The following AARS1 variants were observed in gnomAD, a reference collection of about 807,000 sequenced individuals.
AARS1 encodes alanine--tRNA ligase, cytoplasmic.
In AARS1, 72 loss-of-function variants were observed where a neutral mutation model predicts 108.9. The ratio of observed to expected loss-of-function variants is 0.66; its 90% CI spans 0.55 to 0.80. AARS1 has a LOEUF of 0.80. AARS1 is among the 30% of genes least tolerant of loss of function. AARS1 has a pLI of 0.00. For missense variants in AARS1, 1,193 were observed against 1,233.2 expected (o/e 0.97, Z 0.49); for synonymous variants, 489 against 465.7 (o/e 1.05, Z -0.64).
rs1224159871 is a variant in AARS1 at position 70,259,006 on chromosome 16, C to T, written c.1966G>A (p.Ala656Thr). 6.2e-7 allele frequency: 1 copy of T among 1,614,210 alleles called. No individual in the cohort carries two copies. Among genetic ancestry groups the T allele is most frequent in the Non-Finnish European group, 8.5e-7 (1 of 1,180,046 alleles). ...TQQIKKAEEI[A>T]NEMIEAAKAV... ...TTGGCTGCCTCAATCATCTCATTAG[C>T]AATCTCTTCAGCCTTCTTGATCTGT... is the stretch of plus-strand genomic sequence containing the variant. Residue 656 changes from alanine (A) to threonine (T), a missense_variant, in exon 14 of 21, where the codon GCT becomes ACT. Transcript: ENST00000261772.
Position 70,276,474 on chromosome 16 carries a change from G to A in AARS1, c.479+12C>T, listed in dbSNP as rs201596086. On this transcript the variant is annotated intron_variant, in intron 4 of 20. Transcript: ENST00000261772. The stretch of plus-strand genomic sequence containing the variant: ...CTCCTCCATACTCTCAAGAAGTGAT[G>A]TGCATTCTTACCCCAAATTTTGCCA... 24 of 1,613,714 alleles carry A rather than the reference G, an allele frequency of 1.5e-5. No homozygotes were observed. In the Middle Eastern group the frequency reaches 5.0e-4, roughly 33 times the overall value.
chr16:70,253,044 G>T, intron 20 of AARS1, 138 bp from the exon 21 acceptor site: 1 of 1,078,864 alleles, frequency 9.3e-7, no homozygotes, highest in Non-Finnish European at 1.4e-6. Context: ...AGACTTTACG[G>T]CTGGTACAGG....
intron 4 of AARS1, among the ~76,000 whole-genome samples, chr16:70,272,399 G>C (rs984810240): frequency 6.6e-6 from 1 of 150,776 alleles, no homozygotes; most frequent in African/African-American, 2.4e-5. Flanking sequence ...CCAGCTACTC[G>C]GGAGGCTGAG....
chr16:70,277,267 G>T, intron 2 of AARS1, 113 bp from the exon 3 acceptor site: 1 of 1,134,414 alleles, frequency 8.8e-7, no homozygotes. Flanking sequence ...TGATTAACAT[G>T]CCTGGAATAT....
chr16:70,269,735 T>C lies in AARS1; in HGVS notation c.845A>G (p.Lys282Arg). The C allele has an allele frequency of 6.2e-7, 1 of 1,614,024 alleles. No individual in the cohort carries two copies. The highest frequency in any genetic ancestry group is 8.5e-7 in the Non-Finnish European group (1 of 1,179,990). Residue 282 changes from lysine to arginine, a missense_variant, in exon 7 of 21, where the codon AAA becomes AGA. Transcript: ENST00000261772. ...KGTGARPYTG[K>R]VGAEDADGID... ...CCCATCGGCATCCTCAGCACCAACT[T>C]TCCCAGTGTATGGTCGGGCACCTGT...
At position 70,261,079 on chromosome 16, in the gene AARS1, T is replaced by G; in HGVS notation, c.1750A>C (p.Lys584Gln). ...AACAGCCAGACCTGATCCCCCACTTTCAGGTCACCGTAGATGGTTCCAATG... is the reference window on the plus strand; with the variant it reads ...AACAGCCAGACCTGATCCCCCACTTGCAGGTCACCGTAGATGGTTCCAATG... ...LHIGTIYGDL[K>Q]VGDQVWLFID... is the part of the protein sequence containing the mutation. Residue 584 changes from lysine to glutamine, a missense_variant, in exon 13 of 21, where the codon AAA (lysine) becomes CAA (glutamine). Transcript: ENST00000261772. 1 of 1,613,866 alleles carries G rather than the reference T, an allele frequency of 6.2e-7. No homozygotes were observed. The highest frequency in any genetic ancestry group is 8.5e-7 in the Non-Finnish European group (1 of 1,179,870).
At chr16:70,260,523 C>T (rs1282315121) in intron 13 of AARS1, among the ~76,000 whole-genome samples, 3 of 152,172 alleles carry the variant, frequency 2.0e-5, no homozygotes, top group East Asian at 1.9e-4. Context: ...AACAAGTCCA[C>T]GGGATCTTAA....
At chr16:70,283,528 G>A (rs1352766845) in intron 1 of AARS1, among the ~76,000 whole-genome samples, 4 of 152,098 alleles carry the variant, frequency 2.6e-5, no homozygotes, top group African/African-American at 9.7e-5. Flanking sequence ...TCCTGAGGGA[G>A]TCACTTCACC....
chr16:70,280,499 G>A (rs1960669845), intron 2 of AARS1, among the ~76,000 whole-genome samples: 1 of 152,144 alleles, frequency 6.6e-6, no homozygotes, highest in Non-Finnish European at 1.5e-5. Context: ...AATATTATAA[G>A]AGGCAGAATA....
Position 70,269,669 on chromosome 16 carries a change from G to T in AARS1, c.911C>A (p.Thr304Asn). Residue 304 changes from threonine to asparagine, a missense_variant, in exon 7 of 21, where the codon ACC (threonine) becomes AAC (asparagine). Thr to Asn is a moderately conservative substitution (Grantham distance 65). Transcript: ENST00000261772. ...AYRVLADHARTITVALADGGR... is the reference protein window; with the variant it reads ...AYRVLADHARNITVALADGGR... ...ACCATCAGCCAGTGCCACAGTGATG[G>T]TCCGAGCGTGGTCAGCCAGCACCCG... 6.2e-7 allele frequency: 1 copy of T among 1,614,136 alleles called. No individual in the cohort carries two copies. Among genetic ancestry groups the T allele is most frequent in the Non-Finnish European group, 8.5e-7 (1 of 1,180,028 alleles).
intron 8 of AARS1, 23 bp downstream of exon 8, chr16:70,268,248 G>C: frequency 6.3e-7 from 1 of 1,598,328 alleles, no homozygotes; most frequent in Non-Finnish European, 8.6e-7. Context: ...AGCACAGAAG[G>C]GTAAGCAGAG....
chr16:70,262,324 C>T (rs1267762467), intron 12 of AARS1, 22 bp downstream of exon 12: 1 of 1,614,044 alleles, frequency 6.2e-7, no homozygotes, highest in East Asian at 2.2e-5. Context: ...CCTCGGCTAA[C>T]AAGGAAGAAC....
At position 70,262,372 on chromosome 16, in the gene AARS1, C is replaced by A. The variant is rs558645844; in HGVS notation, c.1645G>T (p.Val549Leu). 1 of 1,614,228 alleles carries A rather than the reference C, an allele frequency of 6.2e-7. No individual in the cohort carries two copies. The highest frequency in any genetic ancestry group is 1.3e-5 in the African/African-American group (1 of 75,058). Residue 549 changes from valine to leucine, a missense_variant, in exon 12 of 21, where the codon GTG (valine) becomes TTG (leucine). Val to Leu is a conservative substitution (Grantham distance 32). Transcript: ENST00000261772. ...GGQIYDEGYL[V>L]KVDDSSEDKT... ...TCTTCACTGCTGTCATCCACCTTCA[C>A]CAGGTAGCCTTCGTCATAGATCTGG...
At chr16:70,273,206 A>G (rs1010103093) in intron 4 of AARS1, among the ~76,000 whole-genome samples, 1 of 152,144 alleles carries the variant, frequency 6.6e-6, no homozygotes, top group Non-Finnish European at 1.5e-5. Context: ...GTAAAAAGCT[A>G]TGCACTAAAG....
intron 13 of AARS1, among the ~76,000 whole-genome samples, chr16:70,259,410 T>A (rs1960081065): frequency 6.6e-6 from 1 of 152,106 alleles, no homozygotes; most frequent in East Asian, 1.9e-4. Context: ...ATGGGGCAGG[T>A]CCTCCCATTT....
In AARS1 at chr16:70,264,997, G is replaced by A. The variant is rs1359630834; in HGVS notation, c.1453C>T (p.Pro485Ser). The A allele has an allele frequency of 6.2e-7, 1 of 1,614,096 alleles. No homozygotes were observed. Residue 485 changes from proline to serine, a missense_variant, in exon 11 of 21, where the codon CCA (proline) becomes TCA (serine). Transcript: ENST00000261772. ...ARGLEVTDDSPKYNYHLDSSG... is the reference protein window; with the variant it reads ...ARGLEVTDDSSKYNYHLDSSG... ...GAGTCCAAATGGTAATTGTACTTTG[G>A]GGAATCATCTGTGACCTCCAGACCC...
intron 3 of AARS1, 105 bp downstream of exon 3, chr16:70,276,861 A>T: frequency 7.4e-7 from 1 of 1,349,932 alleles, no homozygotes; most frequent in Non-Finnish European, 1.1e-6. Flanking sequence ...TGAATCACCT[A>T]GATGATATTT....
chr16:70,262,967 C>CAAAAAAA (rs57444625), intron 11 of AARS1, among the ~76,000 whole-genome samples: 1,029 of 20,610 alleles, frequency 0.05, 240 homozygotes, highest in Non-Finnish European at 0.062. Context: ...GACTCGGTCT[C>CAAAAAAA]AAAAAAAAAA....
intron 15 of AARS1, among the ~76,000 whole-genome samples, chr16:70,256,292 G>C (rs558082935): frequency 6.3e-4 from 96 of 152,230 alleles, no homozygotes; most frequent in Middle Eastern, 3.4e-3. Context: ...ATTCTTTGAA[G>C]ATAGTATAGT....
Sources: allele counts gnomAD v4.1 joint callset (sites outside exome capture counted in the v4.1 genomes callset), GRCh38; gene constraint gnomAD v4.1.1; transcripts MANE v1.5; gene names NCBI Gene and HGNC (gene_info 2026-07-23, HGNC 2026-07-21).